Variants in STS observed in about 807,000 individuals in gnomAD.
STS encodes the protein steroid sulfatase, also known as steryl-sulfatase.
Under a neutral mutation model 26.8 loss-of-function variants are expected in STS, and 7 were observed. That is an observed-to-expected ratio of 0.26 (90% CI 0.15 to 0.49). STS has a LOEUF of 0.49. STS is among the 20% of genes least tolerant of loss of function. The pLI is 0.98. For missense variants in STS, 434 were observed against 465.6 expected, an observed-to-expected ratio of 0.93 and a Z score of 0.63; for synonymous variants, 199 against 189.4, an observed-to-expected ratio of 1.05 and a Z score of -0.42.
chrX:7,330,452 C>G (rs1323686371), intron 9 of STS, among the ~76,000 whole-genome samples: 1 of 112,146 alleles, frequency 8.9e-6, no homozygotes, highest in African/African-American at 3.2e-5. Flanking sequence ...TGCTGGCAAC[C>G]TCAAGAATCA....
At chrX:7,230,205 G>A (rs1164439301) in intron 2 of STS, among the ~76,000 whole-genome samples, 1 of 111,306 alleles carries the variant, frequency 9.0e-6, no homozygotes, top group Non-Finnish European at 1.9e-5. Context: ...CTTTTTGATG[G>A]ATCTTAAAAA....
In STS at chrX:7,259,722, T is replaced by C; in HGVS notation, c.756T>C (p.Tyr252=). The C allele has an allele frequency of 8.3e-7, 1 of 1,211,678 alleles. No homozygotes were observed. The highest frequency in any genetic ancestry group is 1.8e-5 in the South Asian group (1 of 56,983). The change falls in exon 6 of 11, where the codon TAT becomes TAC. Residue 252 remains tyrosine (Y), a synonymous_variant. Transcript: ENST00000674429. ...AGATCATTCAGCAGCCCATGTCCTA[T>C]GACAATCTCACCCAGAGGCTAACGG... ...NYEIIQQPMS[Y]DNLTQRLTVE...
intron 6 of STS, among the ~76,000 whole-genome samples, chrX:7,268,233 T>G (rs1422606525): frequency 8.9e-6 from 1 of 112,431 alleles, no homozygotes; most frequent in Admixed American, 9.4e-5. Flanking sequence ...AAGCATTGCT[T>G]GTGTAATCAT....
chrX:7,353,373 A>G lies in STS; in HGVS notation c.*3112A>G, dbSNP rs1601773025. On this transcript the variant is annotated 3_prime_UTR_variant, in exon 11 of 11. Coordinates refer to ENST00000674429, the MANE Select transcript of STS (RefSeq NM_001320752.2). ...TTATAATCAGAAGAAAAGGAAATGA[A>G]CATTGGGGATTGAAAATCATATTGG... 1 of 111,611 alleles carries G rather than the reference A, an allele frequency of 9.0e-6. No homozygotes were observed. The highest frequency in any genetic ancestry group is 2.8e-4 in the East Asian group (1 of 3,577). The allele number at this position is 111,611 out of a possible 1,213,427, so 9.2% of individuals were successfully genotyped here.
intron 8 of STS, among the ~76,000 whole-genome samples, chrX:7,316,709 G>A (rs1926729215): frequency 8.9e-6 from 1 of 111,963 alleles, no homozygotes; most frequent in South Asian, 3.7e-4. Flanking sequence ...TGGGTAATAC[G>A]TTGGTGGAAC....
intron 10 of STS, among the ~76,000 whole-genome samples, chrX:7,346,458 T>TAAAAAAAAA (rs33973441): frequency 1.2e-5 from 1 of 80,784 alleles, no homozygotes; most frequent in Non-Finnish European, 2.4e-5. Flanking sequence ...CTTAAACAAG[T>TAAAAAAAAA]AAAAAAAAAA....
intron 8 of STS, among the ~76,000 whole-genome samples, chrX:7,307,752 C>T (rs1926287547): frequency 9.0e-6 from 1 of 111,549 alleles, no homozygotes; most frequent in African/African-American, 3.3e-5. Context: ...CCTCCAGGCC[C>T]CTTGGGAAGA....
rs1347937570 is a variant in STS at position 7,265,388 on chromosome X, G to GTCT, written c.806+5616_806+5617insTCT. ...AATCACCTTGTATGACATGTATTTTGACAGAAATTATTTAATCTATTAGGT... is the reference window on the plus strand; with the variant it reads ...AATCACCTTGTATGACATGTATTTTGTCTACAGAAATTATTTAATCTATTAGGT... On this transcript the variant is annotated intron_variant, in intron 6 of 10. Coordinates refer to ENST00000674429, the MANE Select transcript of STS (RefSeq NM_001320752.2). Among the ~76,000 whole-genome samples, 253 of 111,829 alleles carry GTCT rather than the reference G, an allele frequency of 2.3e-3. 3 individuals are homozygous for GTCT. Among genetic ancestry groups the GTCT allele is most frequent in the African/African-American group, 7.8e-3 (241 of 30,827 alleles).
chrX:7,242,317 T>G (rs1260407435), intron 2 of STS, among the ~76,000 whole-genome samples: 1 of 110,800 alleles, frequency 9.0e-6, no homozygotes, highest in African/African-American at 3.3e-5. Flanking sequence ...CTTTATAAGT[T>G]AATAATAACT....
chrX:7,255,536 A>G (rs1241190902), intron 3 of STS, among the ~76,000 whole-genome samples: 2 of 112,309 alleles, frequency 1.8e-5, no homozygotes, highest in Non-Finnish European at 3.8e-5. Flanking sequence ...ATCAAAAGAA[A>G]AAATGTCTAT....
intron 1 of STS, 56 bp downstream of exon 1, chrX:7,148,139 G>A (rs1932922067): frequency 9.3e-7 from 1 of 1,071,712 alleles, no homozygotes; most frequent in Non-Finnish European, 1.2e-6. Context: ...GTCTGGGTGG[G>A]GGCGAGGAGG....
intron 10 of STS, among the ~76,000 whole-genome samples, chrX:7,344,934 G>A (rs1309311886): frequency 9.0e-6 from 1 of 111,301 alleles, no homozygotes; most frequent in East Asian, 2.8e-4. Flanking sequence ...AGAGAGGCCT[G>A]GAAATGAGTG....
chrX:7,268,192 A>G (rs1489854134), intron 6 of STS, among the ~76,000 whole-genome samples: 1 of 111,992 alleles, frequency 8.9e-6, no homozygotes, highest in Non-Finnish European at 1.9e-5. Context: ...TATGGTCTGT[A>G]CTTTTATGAT....
intron 7 of STS, among the ~76,000 whole-genome samples, chrX:7,285,955 G>T (rs1427723133): frequency 7.2e-5 from 8 of 111,699 alleles, no homozygotes; most frequent in Non-Finnish European, 1.5e-4. Context: ...TTCAGCTTAC[G>T]AGGCATATTT....
chrX:7,209,528 A>G (rs1187299778), intron 2 of STS, among the ~76,000 whole-genome samples: 1 of 85,507 alleles, frequency 1.2e-5, no homozygotes, highest in Non-Finnish European at 2.3e-5. Flanking sequence ...ATTATTTTTA[A>G]TATAATTTAA....
At chrX:7,336,442 A>G (rs975945890) in intron 10 of STS, among the ~76,000 whole-genome samples, 1 of 111,916 alleles carries the variant, frequency 8.9e-6, no homozygotes, top group Admixed American at 9.5e-5. Context: ...CAACCTTTCT[A>G]TTAGCCACAG....
At chrX:7,278,895 T>G (rs1295292378) in intron 7 of STS, among the ~76,000 whole-genome samples, 2 of 111,606 alleles carry the variant, frequency 1.8e-5, no homozygotes, top group Non-Finnish European at 3.8e-5. Context: ...GATTGATTCA[T>G]AGGAGAAAAG....
At chrX:7,156,263 G>GT (rs761888056) in intron 1 of STS, among the ~76,000 whole-genome samples, 41 of 110,929 alleles carry the variant, frequency 3.7e-4, no homozygotes, top group Admixed American at 1.2e-3. Flanking sequence ...GCATGTGTGG[G>GT]TTTTTTTATT....
rs770658761 is a variant in STS at position 7,222,528 on chromosome X, CAAAAAAAAAAAA to C, written c.-4-30656_-4-30645del. On this transcript the variant is annotated intron_variant, in intron 2 of 10. Transcript: ENST00000674429. ...TTGTGAGAAAGGATGCCCTCAGCTG[CAAAAAAAAAAAA>C]AAAAAAAAAAAGATGTTTTCAGTCT... Among the ~76,000 whole-genome samples the C allele has an allele frequency of 1.6e-3, 63 of 39,425 alleles. 1 individual carries two copies. The East Asian group carries it at 0.048, about 30-fold the overall frequency. The allele number at this position is 39,425 out of a possible 115,157, so 34.2% of individuals were successfully genotyped here.
Sources: allele counts gnomAD v4.1 joint callset (sites outside exome capture counted in the v4.1 genomes callset), GRCh38; gene constraint gnomAD v4.1.1; transcripts MANE v1.5; gene names NCBI Gene and HGNC (gene_info 2026-07-23, HGNC 2026-07-21).